Variants in FBXW7 observed in about 807,000 individuals in gnomAD.
FBXW7 encodes F-box and WD repeat domain containing 7.
FBXW7 carries 11 observed loss-of-function variants against 86.3 expected under a neutral mutation model. That is an observed-to-expected ratio of 0.13 (90% CI 0.08 to 0.21). The LOEUF is 0.21. Among genes scored for constraint, FBXW7 ranks in the 10% least tolerant of loss-of-function variants. The pLI, the probability that FBXW7 is intolerant of heterozygous loss-of-function variation, is 1.00. For missense variants in FBXW7, 488 were observed against 847.4 expected, an observed-to-expected ratio of 0.58 and a Z score of 5.27; for synonymous variants, 313 against 297.9, an observed-to-expected ratio of 1.05 and a Z score of -0.52.
At chr4:152,397,340 C>G (rs1736503339) in intron 4 of FBXW7, among the ~76,000 whole-genome samples, 1 of 151,954 alleles carries the variant, frequency 6.6e-6, no homozygotes, top group Non-Finnish European at 1.5e-5. Flanking sequence ...TATTAAAGAT[C>G]CAACAGTATA....
intron 2 of FBXW7, among the ~76,000 whole-genome samples, chr4:152,426,453 G>A (rs188622788): frequency 2.8e-4 from 42 of 151,842 alleles, no homozygotes; most frequent in African/African-American, 9.9e-4. Flanking sequence ...GGGTTCAAGC[G>A]ATTCTTCTGC....
At chr4:152,324,592 C>T (rs1287679300) in intron 12 of FBXW7, 198 bp from the exon 13 acceptor site, 2 of 528,112 alleles carry the variant, frequency 3.8e-6, no homozygotes, top group Non-Finnish European at 6.7e-6. Context: ...TCACACACTT[C>T]TATCAGAAAG....
intron 12 of FBXW7, chr4:152,325,686 T>G: frequency 4.2e-6 from 1 of 236,956 alleles, no homozygotes; most frequent in Non-Finnish European, 8.3e-6. Context: ...TGCAAAGGAG[T>G]TTCTTAAAAT....
chr4:152,430,088 T>G (rs1350913367), intron 2 of FBXW7, among the ~76,000 whole-genome samples: 1 of 152,204 alleles, frequency 6.6e-6, no homozygotes, highest in Non-Finnish European at 1.5e-5. Flanking sequence ...TTCAGAAACT[T>G]GAAGATCTAA....
chr4:152,405,374 G>A (rs1054938785), intron 4 of FBXW7, among the ~76,000 whole-genome samples: 6 of 152,094 alleles, frequency 3.9e-5, no homozygotes, highest in African/African-American at 1.4e-4. Context: ...TTTGGACTTC[G>A]ATTTGAAGGA....
At chr4:152,445,854 GA>G (rs1258911896) in intron 2 of FBXW7, among the ~76,000 whole-genome samples, 1 of 144,912 alleles carries the variant, frequency 6.9e-6, no homozygotes, top group African/African-American at 2.5e-5. Flanking sequence ...AGGTTGCAGT[GA>G]GCCAAGATCG....
At chr4:152,520,687 C>T (rs570378072) in intron 2 of FBXW7, among the ~76,000 whole-genome samples, 1 of 152,244 alleles carries the variant, frequency 6.6e-6, no homozygotes, top group African/African-American at 2.4e-5. Flanking sequence ...ATCTTTCCAA[C>T]AAACTCAACA....
intron 2 of FBXW7, among the ~76,000 whole-genome samples, chr4:152,418,312 T>C (rs557000528): frequency 6.6e-6 from 1 of 152,294 alleles, no homozygotes; most frequent in Non-Finnish European, 1.5e-5. Context: ...TCAGTCTCTG[T>C]AAGGTGTGAA....
At chr4:152,433,654 C>T (rs1050842538) in intron 2 of FBXW7, among the ~76,000 whole-genome samples, 1 of 152,162 alleles carries the variant, frequency 6.6e-6, no homozygotes, top group African/African-American at 2.4e-5. Context: ...GTCATGGTGA[C>T]TGTTGCGCTC....
chr4:152,432,309 C>T (rs1689640714), intron 2 of FBXW7, among the ~76,000 whole-genome samples: 1 of 152,022 alleles, frequency 6.6e-6, no homozygotes, highest in Non-Finnish European at 1.5e-5. Context: ...ACAGGGAAGT[C>T]CCAACCAAGA....
intron 2 of FBXW7, among the ~76,000 whole-genome samples, chr4:152,525,441 T>C (rs1749420139): frequency 1.3e-5 from 2 of 152,322 alleles, no homozygotes; most frequent in South Asian, 4.1e-4. Flanking sequence ...AGTTATCTTT[T>C]CTGCTCTTCT....
intron 2 of FBXW7, among the ~76,000 whole-genome samples, chr4:152,519,553 A>G (rs770862918): frequency 6.6e-6 from 1 of 152,216 alleles, no homozygotes; most frequent in Non-Finnish European, 1.5e-5. Context: ...TTTTGCCTAG[A>G]TAAATTTATT....
At chr4:152,356,461 G>C (rs1270223365) in intron 4 of FBXW7, among the ~76,000 whole-genome samples, 1 of 152,106 alleles carries the variant, frequency 6.6e-6, no homozygotes, top group Non-Finnish European at 1.5e-5. Context: ...TTTTATAATA[G>C]TAGGAGAATG....
intron 2 of FBXW7, among the ~76,000 whole-genome samples, chr4:152,519,843 T>TGACAGATCTA (rs1157545984): frequency 6.6e-6 from 1 of 152,222 alleles, no homozygotes; most frequent in Admixed American, 6.5e-5. Context: ...CCATGGAGTA[T>TGACAGATCTA]GACAGATCTA....
chr4:152,428,004 T>G (rs535951813), intron 2 of FBXW7, among the ~76,000 whole-genome samples: 222 of 152,256 alleles, frequency 1.5e-3, no homozygotes, highest in Non-Finnish European at 3.0e-3. Context: ...CTTTGAGAGG[T>G]TAGAGAATGA....
intron 2 of FBXW7, among the ~76,000 whole-genome samples, chr4:152,462,322 T>C (rs1052371829): frequency 7.2e-5 from 11 of 152,220 alleles, no homozygotes; most frequent in Admixed American, 7.2e-4. Context: ...AGTTGAGAAA[T>C]GTACTGTCAA....
intron 2 of FBXW7, among the ~76,000 whole-genome samples, chr4:152,485,986 C>G (rs145654326): frequency 6.6e-6 from 1 of 152,280 alleles, no homozygotes; most frequent in Non-Finnish European, 1.5e-5. Flanking sequence ...CAAGCCTACA[C>G]GGTATAGCCC....
chr4:152,405,397 G>A (rs1361577401), intron 4 of FBXW7, among the ~76,000 whole-genome samples: 1 of 152,134 alleles, frequency 6.6e-6, no homozygotes, highest in Non-Finnish European at 1.5e-5. Context: ...TGGCTGGTGG[G>A]AAGGAGTATG....
chr4:152,383,126 G>A (rs1273197313), intron 4 of FBXW7, among the ~76,000 whole-genome samples: 1 of 152,050 alleles, frequency 6.6e-6, no homozygotes, highest in Admixed American at 6.6e-5. Flanking sequence ...GATTATACTT[G>A]AAAGCATAAC....
Sources: allele counts gnomAD v4.1 joint callset (sites outside exome capture counted in the v4.1 genomes callset), GRCh38; gene constraint gnomAD v4.1.1; transcripts MANE v1.5; gene names NCBI Gene and HGNC (gene_info 2026-07-23, HGNC 2026-07-21).